The following PHKA2 variants were observed in gnomAD, a reference collection of about 807,000 sequenced individuals.
PHKA2 encodes the protein phosphorylase b kinase regulatory subunit alpha, liver isoform.
Under a neutral mutation model 102.0 loss-of-function variants are expected in PHKA2, and 31 were observed. The ratio of observed to expected loss-of-function variants is 0.30; its 90% CI spans 0.23 to 0.41. The LOEUF (loss-of-function observed/expected upper bound fraction) is 0.41, where lower values mean the gene tolerates loss of function less well. Among genes scored for constraint, PHKA2 ranks in the 10% least tolerant of loss-of-function variants. The pLI is 1.00. For synonymous variants in PHKA2, 455 were observed against 416.2 expected (o/e 1.09, Z -1.13); for missense variants, 858 against 1,023.1 (o/e 0.84, Z 2.20).
rs2048791621 is a variant in PHKA2, at chrX:18,957,272, G to C, written c.79-2860C>G. On this transcript the variant is annotated intron_variant, in intron 1 of 32. Coordinates refer to ENST00000379942, the MANE Select transcript of PHKA2 (RefSeq NM_000292.3). ...TGAGTCATTCCCTTGCCTGGAGATG[G>C]ACTATGCTGCCATATCTGTACTCTC... is the stretch of plus-strand genomic sequence containing the variant. Among the ~76,000 whole-genome samples the C allele has an allele frequency of 3.6e-5, 4 of 112,169 alleles. No homozygotes were observed. The Admixed American group carries it at 3.8e-4, about 11-fold the overall frequency.
chrX:18,910,913 A>G lies in PHKA2; in HGVS notation c.2185T>C (p.Ser729Pro). 2 of 1,196,052 alleles carry G rather than the reference A, an allele frequency of 1.7e-6. No individual in the cohort carries two copies. The highest frequency in any genetic ancestry group is 1.7e-5 in the African/African-American group (1 of 57,507). Reference protein sequence around the residue: ...PTKVLSAHRKSLNLVDSPQPL... With the variant: ...PTKVLSAHRKPLNLVDSPQPL... ...TGAGGAGAATCAACAAGATTCAGTGATTTACGGTGGGCACTTAGAACTTTA... is the reference window on the plus strand; with the variant it reads ...TGAGGAGAATCAACAAGATTCAGTGGTTTACGGTGGGCACTTAGAACTTTA... Residue 729 changes from serine (S) to proline (P), a missense_variant, in exon 20 of 33, where the codon TCA becomes CCA. Ser to Pro is a moderately conservative substitution (Grantham distance 74, BLOSUM62 -1). Around this residue, in one of 2 missense-constraint regions of PHKA2, gnomAD observed 671 missense variants for 745.2 expected, o/e 0.90. Coordinates refer to ENST00000379942, the MANE Select transcript of PHKA2 (RefSeq NM_000292.3).
At chrX:18,956,744 G>A (rs912974035) in intron 1 of PHKA2, among the ~76,000 whole-genome samples, 3 of 112,252 alleles carry the variant, frequency 2.7e-5, no homozygotes, top group Non-Finnish European at 5.6e-5. Context: ...CTCAGCAATA[G>A]GAATATTTAC....
At chrX:18,915,856 G>C (rs1322721569) in intron 19 of PHKA2, among the ~76,000 whole-genome samples, 4 of 111,497 alleles carry the variant, frequency 3.6e-5, no homozygotes, top group African/African-American at 1.3e-4. Context: ...TCTTCTCTAG[G>C]AAGTCAACTT....
intron 2 of PHKA2, among the ~76,000 whole-genome samples, chrX:18,953,837 T>C (rs762218647): frequency 1.1e-4 from 12 of 110,160 alleles, no homozygotes; most frequent in African/African-American, 4.0e-4. Flanking sequence ...AAATACAAAA[T>C]TAGCTGCGCG....
rs781149626 is a variant in PHKA2, at chrX:18,901,614, A to AAC, written c.2909-13_2909-12dup. ...AGTGGATAGGGCGCACTGGGTGGGA[A>AAC]ACACACACACGTGGTTCTCAGGAAC... is the stretch of plus-strand genomic sequence containing the variant. On this transcript the variant is annotated splice_polypyrimidine_tract_variant and intron_variant, in intron 26 of 32. Transcript: ENST00000379942. 1 of 1,078,842 alleles carries AAC rather than the reference A, an allele frequency of 9.3e-7. No homozygotes were observed. The highest frequency in any genetic ancestry group is 1.9e-5 in the African/African-American group (1 of 53,634). The allele number at this position is 1,078,842 out of a possible 1,213,427, so 88.9% of individuals were successfully genotyped here. A position where few individuals can be genotyped will look rare whatever the true frequency, so the allele number is the denominator to read the frequency against.
chrX:18,899,027 G>C (rs1462754290), intron 29 of PHKA2, 146 bp downstream of exon 29: 3 of 539,824 alleles, frequency 5.6e-6, no homozygotes, highest in Non-Finnish European at 9.8e-6. Flanking sequence ...ACCCTCCTCA[G>C]AATTCCAGTT....
At chrX:18,923,311 G>T (rs1457573052) in intron 17 of PHKA2, among the ~76,000 whole-genome samples, 1 of 111,197 alleles carries the variant, frequency 9.0e-6, no homozygotes, top group African/African-American at 3.3e-5. Flanking sequence ...AAAGTGCTGG[G>T]ATTATAGTGT....
chrX:18,956,063 C>G (rs933678966), intron 1 of PHKA2, among the ~76,000 whole-genome samples: 7 of 112,050 alleles, frequency 6.2e-5, no homozygotes, highest in Non-Finnish European at 1.3e-4. Context: ...GTGGCTCACG[C>G]CTGTAATCTA....
chrX:18,945,610 T>G (rs2048564970), intron 5 of PHKA2, among the ~76,000 whole-genome samples: 1 of 112,035 alleles, frequency 8.9e-6, no homozygotes, highest in Non-Finnish European at 1.9e-5. Context: ...AGTACTTATT[T>G]TTAGCATTAC....
chrX:18,905,982 G>C, intron 25 of PHKA2, 123 bp from the exon 26 acceptor site: 1 of 530,793 alleles, frequency 1.9e-6, no homozygotes, highest in Non-Finnish European at 3.4e-6. Flanking sequence ...CCCTGTTCAG[G>C]AGAACCTCAC....
Position 18,977,675 on chromosome X carries a change from A to T in PHKA2, c.78+6180T>A, listed in dbSNP as rs928783175. Among the ~76,000 whole-genome samples the T allele has an allele frequency of 4.5e-4, 50 of 111,070 alleles. 1 individual carries two copies. Among genetic ancestry groups the T allele is most frequent in the African/African-American group, 1.6e-3 (48 of 30,241 alleles). On this transcript the variant is annotated intron_variant, in intron 1 of 32. Transcript: ENST00000379942. ...ATTCTGTATCCCTAATATAATTTTT[A>T]AAAAATTTCAAAGTCAAAAAAAAAA...
intron 31 of PHKA2, chrX:18,894,749 T>C (rs1054664536): frequency 3.9e-5 from 15 of 383,388 alleles, no homozygotes; most frequent in African/African-American, 3.1e-4. Flanking sequence ...TAAAAAAAAA[T>C]CCATGTTAAA....
chrX:18,951,368 TCTG>T, intron 3 of PHKA2, 96 bp from the exon 4 acceptor site: 3 of 868,354 alleles, frequency 3.5e-6, no homozygotes, highest in Non-Finnish European at 5.1e-6. Flanking sequence ...AGAGCTCTTA[TCTG>T]CTACTTCTGG....
At chrX:18,954,840 A>G (rs1332039515) in intron 1 of PHKA2, among the ~76,000 whole-genome samples, 1 of 112,301 alleles carries the variant, frequency 8.9e-6, no homozygotes, top group African/African-American at 3.2e-5. Context: ...AGAAACCTGG[A>G]GGCAGGGCCC....
intron 17 of PHKA2, among the ~76,000 whole-genome samples, 156 bp downstream of exon 17, chrX:18,923,900 C>T (rs368526332): frequency 5.4e-5 from 6 of 111,871 alleles, no homozygotes; most frequent in Middle Eastern, 4.6e-3. Flanking sequence ...AAGTTTCACA[C>T]GGGCGACTGG....
intron 1 of PHKA2, among the ~76,000 whole-genome samples, chrX:18,961,882 C>G (rs762430956): frequency 1.8e-5 from 2 of 109,076 alleles, no homozygotes; most frequent in Non-Finnish European, 3.8e-5. Flanking sequence ...CAACTCAGAG[C>G]TGAGATGGGT....
At position 18,940,511 on chromosome X, in the gene PHKA2, A is replaced by G. The variant is rs746354677; in HGVS notation, c.865-463T>C. On this transcript the variant is annotated intron_variant, in intron 8 of 32. Transcript: ENST00000379942. ...GGTCAGATGCACCTCCACAAAGATTAGCAGAAAGGGAGGGGGCAGCTTCCT... is the reference window on the plus strand; with the variant it reads ...GGTCAGATGCACCTCCACAAAGATTGGCAGAAAGGGAGGGGGCAGCTTCCT... Among the ~76,000 whole-genome samples the G allele has an allele frequency of 8.0e-5, 9 of 112,033 alleles. No homozygotes were observed. In the East Asian group the frequency reaches 2.5e-3, roughly 32 times the overall value.
At chrX:18,955,272 A>G (rs1337966671) in intron 1 of PHKA2, among the ~76,000 whole-genome samples, 1 of 112,092 alleles carries the variant, frequency 8.9e-6, no homozygotes, top group African/African-American at 3.2e-5. Context: ...TTCCATTTGT[A>G]TGAAAAGTCT....
chrX:18,907,174 G>A (rs372602368), intron 22 of PHKA2, 77 bp from the exon 23 acceptor site: 7 of 687,949 alleles, frequency 1.0e-5, no homozygotes, highest in Non-Finnish European at 1.6e-5. Context: ...GCAGTGGGGA[G>A]GAGACACTGC....
Sources: gnomAD v4.1 joint callset for allele counts (sites outside exome capture counted in the v4.1 genomes callset) on GRCh38, gnomAD v4.1.1 for gene constraint, gnomAD v4.1.1 regional missense constraint, MANE v1.5 for transcripts, NCBI Gene and HGNC (gene_info 2026-07-23, HGNC 2026-07-21) for gene names.